The following ACAN variants were observed in gnomAD, a reference collection of about 807,000 sequenced individuals.
ACAN encodes aggrecan core protein.
ACAN carries 47 observed loss-of-function variants against 169.1 expected under a neutral mutation model. That is an observed-to-expected ratio of 0.28 (90% CI 0.22 to 0.35). ACAN has a LOEUF of 0.35. Among genes scored for constraint, ACAN ranks in the 10% least tolerant of loss-of-function variants. ACAN has a pLI of 1.00. For missense variants in ACAN, 2,716 were observed against 2,759.9 expected (o/e 0.98, Z 0.36); for synonymous variants, 1,115 against 1,112.2 (o/e 1.00, Z -0.05).
At chr15:88,808,638 G>T (rs1421966282) in intron 1 of ACAN, among the ~76,000 whole-genome samples, 1 of 152,192 alleles carries the variant, frequency 6.6e-6, no homozygotes, top group Non-Finnish European at 1.5e-5. Context: ...GGTGCTTGCT[G>T]CTAGCGTCTC....
rs998320884 is a variant in ACAN at position 88,814,499 on chromosome 15, G to A, written c.-8+10690G>A. 1.3e-5 allele frequency among the ~76,000 whole-genome samples: 2 copies of A among 152,196 alleles called. No individual in the cohort carries two copies. The highest frequency in any genetic ancestry group is 2.9e-5 in the Non-Finnish European group (2 of 68,036). Reference sequence around the variant, plus strand: ...AGAGCCACATGCTGTCTGCCACCCTGCAGCTAGCTGAGGGACAGGACAGAT... The same window carrying A: ...AGAGCCACATGCTGTCTGCCACCCTACAGCTAGCTGAGGGACAGGACAGAT... On this transcript the variant is annotated intron_variant, in intron 1 of 18. Transcript: ENST00000560601. The surrounding 1 kb of genome is among the most constrained non-coding windows in gnomAD (Gnocchi z 4.0).
chr15:88,818,451 G>A (rs186712792), intron 1 of ACAN, among the ~76,000 whole-genome samples: 105 of 152,332 alleles, frequency 6.9e-4, no homozygotes, highest in African/African-American at 2.3e-3. Flanking sequence ...TGTCCTCAGT[G>A]AGCCAGAGAC....
In ACAN at chr15:88,858,798, A is replaced by G. The variant is rs1351451133; in HGVS notation, c.6213A>G (p.Gly2071=). The G allele has an allele frequency of 4.3e-6, 7 of 1,613,740 alleles. No individual in the cohort carries two copies. The East Asian group carries it at 1.6e-4, about 36-fold the overall frequency. ...THTPQLFESS[G]KVSTAGDISG... is the part of the protein sequence containing the mutation. ...CACCCCAGCTTTTTGAGTCCAGTGG[A>G]AAAGTCTCCACAGCTGGGGACATTA... The change falls in exon 12 of 19, where the codon GGA becomes GGG. Residue 2071 remains glycine, a synonymous_variant. Coordinates refer to ENST00000560601, the MANE Select transcript of ACAN (RefSeq NM_001369268.1). This position sits in a 1 kb window ranked among gnomAD's most constrained non-coding sequence, Gnocchi z 4.0.
In ACAN at chr15:88,843,735, G is replaced by A. The variant is rs1438244050; in HGVS notation, c.1051+87G>A. ...GAGGGGATCTTGGAAAGGGAGGGTT[G>A]GTTTTTGCCCTTGAAGGGGCCACGG... is the stretch of plus-strand genomic sequence containing the variant. On this transcript the variant is annotated intron_variant, in intron 6 of 18. Coordinates refer to ENST00000560601, the MANE Select transcript of ACAN (RefSeq NM_001369268.1). This position sits in a 1 kb window ranked among gnomAD's most constrained non-coding sequence, Gnocchi z 4.0. 6 of 1,486,958 alleles carry A rather than the reference G, an allele frequency of 4.0e-6. No homozygotes were observed. Among genetic ancestry groups the A allele is most frequent in the East Asian group, 4.6e-5 (2 of 43,278 alleles). 92.1% of individuals were successfully genotyped at this position (1,486,958 alleles called of 1,614,324 possible).
Position 88,840,058 on chromosome 15 carries a change from C to T in ACAN, c.501C>T (p.Asp167=), listed in dbSNP as rs745339413. ...CCATCTCTACACGCTACACCCTCGA[C>T]TTTGACAGGGCGCAGCGGGCCTGCC... ...YRAISTRYTL[D]FDRAQRACLQ... The change falls in exon 4 of 19, where the codon GAC becomes GAT. Residue 167 remains aspartate, a synonymous_variant. Transcript: ENST00000560601. 7 of 1,603,598 alleles carry T rather than the reference C, an allele frequency of 4.4e-6. No individual in the cohort carries two copies. Among genetic ancestry groups the T allele is most frequent in the Non-Finnish European group, 6.0e-6 (7 of 1,174,788 alleles).
In ACAN at chr15:88,857,852, G is replaced by T; in HGVS notation, c.5267G>T (p.Ser1756Ile). The T allele has an allele frequency of 6.2e-7, 1 of 1,613,786 alleles. No individual in the cohort carries two copies. The highest frequency in any genetic ancestry group is 8.5e-7 in the Non-Finnish European group (1 of 1,179,810). The stretch of plus-strand genomic sequence containing the variant: ...GAAACATCTGGAGTGACTGAGCTTA[G>T]CGGGCTGTCCTCTGGACAACCAGGT... ...SGETSGVTEL[S>I]GLSSGQPGIS... The change falls in exon 12 of 19, where the codon AGC (serine) becomes ATC (isoleucine). Residue 1756 changes from serine to isoleucine, a missense_variant. Ser to Ile is a moderately radical substitution (Grantham distance 142). This residue lies in a region of ACAN where 1,389 missense variants were observed against 1,363.7 expected (regional missense o/e 1.02). Coordinates refer to ENST00000560601, the MANE Select transcript of ACAN (RefSeq NM_001369268.1).
Position 88,841,716 on chromosome 15 carries a change from A to T in ACAN, c.630-24A>T, listed in dbSNP as rs1168721021. On this transcript the variant is annotated intron_variant, in intron 4 of 18. Coordinates refer to ENST00000560601, the MANE Select transcript of ACAN (RefSeq NM_001369268.1). ...CTTCCCTTTGTCCCCTGAGTGTCACACCTCCATTTCGGGTTCCTGGCAGAT... is the reference window on the plus strand; with the variant it reads ...CTTCCCTTTGTCCCCTGAGTGTCACTCCTCCATTTCGGGTTCCTGGCAGAT... The T allele has an allele frequency of 1.9e-6, 3 of 1,613,052 alleles. No homozygotes were observed. In the South Asian group the frequency reaches 3.3e-5, roughly 18 times the overall value.
At position 88,807,385 on chromosome 15, in the gene ACAN, A is replaced by T. The variant is rs1249020746; in HGVS notation, c.-8+3576A>T. Among the ~76,000 whole-genome samples the T allele has an allele frequency of 1.3e-5, 2 of 152,152 alleles. No homozygotes were observed. The highest frequency in any genetic ancestry group is 2.9e-5 in the Non-Finnish European group (2 of 68,040). On this transcript the variant is annotated intron_variant, in intron 1 of 18. Coordinates refer to ENST00000560601, the MANE Select transcript of ACAN (RefSeq NM_001369268.1). This position sits in a 1 kb window ranked among gnomAD's most constrained non-coding sequence, Gnocchi z 4.0. ...CCTCGTGGCCATGCTTCGTGTCCTG[A>T]TGGTAGCCGCACTGCCGCCCTGATA... is the stretch of plus-strand genomic sequence containing the variant.
At chr15:88,830,295 G>A (rs752931733) in intron 1 of ACAN, among the ~76,000 whole-genome samples, 4 of 152,166 alleles carry the variant, frequency 2.6e-5, no homozygotes, top group Non-Finnish European at 4.4e-5. Flanking sequence ...TCCTTCCCCA[G>A]CCCGTTTCTT....
chr15:88,807,809 C>G lies in ACAN; in HGVS notation c.-8+4000C>G, dbSNP rs766491393. The stretch of plus-strand genomic sequence containing the variant: ...GTGCATGCTGGCAGGGCGGGCCCTG[C>G]GGGCTGGCCAGGCCTGTGAGAGGTG... On this transcript the variant is annotated intron_variant, in intron 1 of 18. Coordinates refer to ENST00000560601, the MANE Select transcript of ACAN (RefSeq NM_001369268.1). This position sits in a 1 kb window ranked among gnomAD's most constrained non-coding sequence, Gnocchi z 4.0. 6.8e-6 allele frequency among the ~76,000 whole-genome samples: 1 copy of G among 146,146 alleles called. No individual in the cohort carries two copies. Among genetic ancestry groups the G allele is most frequent in the African/African-American group, 2.5e-5 (1 of 39,300 alleles).
chr15:88,838,955 G>A lies in ACAN; in HGVS notation c.363G>A (p.Gln121=). The change falls in exon 3 of 19, where the codon CAG becomes CAA. Residue 121 remains glutamine, a synonymous_variant. Transcript: ENST00000560601. This position sits in a 1 kb window ranked among gnomAD's most constrained non-coding sequence, Gnocchi z 5.1. The part of the protein sequence containing the change: ...AIPSDATLEV[Q]SLRSNDSGVY... The stretch of plus-strand genomic sequence containing the variant: ...CCAGTGACGCCACCTTGGAAGTCCA[G>A]AGCCTGCGCTCCAATGACTCTGGGG... 4.3e-6 allele frequency: 7 copies of A among 1,613,780 alleles called. No homozygotes were observed. Among genetic ancestry groups the A allele is most frequent in the Non-Finnish European group, 5.9e-6 (7 of 1,179,902 alleles).
At chr15:88,859,454 T>C in intron 12 of ACAN, 37 bp downstream of exon 12, 1 of 1,551,448 alleles carries the variant, frequency 6.4e-7, no homozygotes, top group East Asian at 2.4e-5. Context: ...TGTGCTTAGG[T>C]AGTTCAGACT....
intron 1 of ACAN, among the ~76,000 whole-genome samples, chr15:88,835,503 A>G (rs185306768): frequency 1.3e-5 from 2 of 152,332 alleles, no homozygotes; most frequent in East Asian, 1.9e-4. Context: ...GGTCTGCATG[A>G]TAAGTTGGTA....
chr15:88,850,074 G>T (rs1596140750), intron 10 of ACAN: 5 of 586,020 alleles, frequency 8.5e-6, no homozygotes, highest in East Asian at 5.6e-5. Flanking sequence ...AGAGCTGCAA[G>T]AATTAATTAA....
intron 1 of ACAN, among the ~76,000 whole-genome samples, chr15:88,815,903 A>G (rs1895930824): frequency 6.6e-6 from 1 of 152,250 alleles, no homozygotes; most frequent in Non-Finnish European, 1.5e-5. Context: ...ATAGTCTCAC[A>G]GTCTTGGAGG....
rs200868527 is a variant in ACAN at position 88,873,974 on chromosome 15, G to A, written c.7580G>A (p.Arg2527Gln). Residue 2527 changes from arginine to glutamine, a missense_variant, in exon 18 of 19, where the codon CGG (arginine) becomes CAG (glutamine). This residue lies in a region of ACAN where 1,389 missense variants were observed against 1,363.7 expected (regional missense o/e 1.02). Coordinates refer to ENST00000560601, the MANE Select transcript of ACAN (RefSeq NM_001369268.1). The surrounding 1 kb of genome is among the most constrained non-coding windows in gnomAD (Gnocchi z 7.5). ...GTCCAGCGCCACATGCCCACCATCC[G>A]GTGCCAGCCCAGCGGGCACTGGGAG... is the stretch of plus-strand genomic sequence containing the variant. ...GFVQRHMPTI[R>Q]CQPSGHWEEP... 1.9e-5 allele frequency: 30 copies of A among 1,613,194 alleles called. No individual in the cohort carries two copies. The highest frequency in any genetic ancestry group is 1.5e-4 in the African/African-American group (11 of 75,026).
rs566717355 is a variant in ACAN at position 88,842,557 on chromosome 15, C to T, written c.757+690C>T. 1.6e-3 allele frequency among the ~76,000 whole-genome samples: 232 copies of T among 149,246 alleles called. 1 individual carries two copies. Among genetic ancestry groups the T allele is most frequent in the Non-Finnish European group, 2.7e-3 (181 of 67,044 alleles). Reference sequence around the variant, plus strand: ...GCACAGTGCCCACAGCTCCTCCAGGCTGGGGAGAAGAGCTGACAACTGGCA... The same window carrying T: ...GCACAGTGCCCACAGCTCCTCCAGGTTGGGGAGAAGAGCTGACAACTGGCA... On this transcript the variant is annotated intron_variant, in intron 5 of 18. Coordinates refer to ENST00000560601, the MANE Select transcript of ACAN (RefSeq NM_001369268.1).
rs1191952070 is a variant in ACAN at position 88,872,419 on chromosome 15, A to C, written c.7302+334A>C. Among the ~76,000 whole-genome samples, 1 of 152,132 alleles carries C rather than the reference A, an allele frequency of 6.6e-6. No homozygotes were observed. Among genetic ancestry groups the C allele is most frequent in the African/African-American group, 2.4e-5 (1 of 41,420 alleles). The stretch of plus-strand genomic sequence containing the variant: ...AGGAGACAGACAGAAAGCAACATAG[A>C]TGCCAAGTGAATGGTACGGGCACCC... On this transcript the variant is annotated intron_variant, in intron 16 of 18. Coordinates refer to ENST00000560601, the MANE Select transcript of ACAN (RefSeq NM_001369268.1). The surrounding 1 kb of genome is among the most constrained non-coding windows in gnomAD (Gnocchi z 5.4).
chr15:88,830,976 T>C (rs1461852159), intron 1 of ACAN, among the ~76,000 whole-genome samples: 1 of 152,286 alleles, frequency 6.6e-6, no homozygotes, highest in East Asian at 1.9e-4. Flanking sequence ...TTGACTGAAA[T>C]GTTATGTGGC....
Sources: gnomAD v4.1 joint callset for allele counts (sites outside exome capture counted in the v4.1 genomes callset) on GRCh38, gnomAD v4.1.1 for gene constraint, gnomAD v4.1.1 regional missense constraint, Gnocchi (gnomAD v3.1) non-coding constraint, MANE v1.5 for transcripts, NCBI Gene and HGNC (gene_info 2026-07-23, HGNC 2026-07-21) for gene names.